Variants in ENPP2 observed in about 807,000 individuals in gnomAD.
The protein encoded by ENPP2 is autotaxin.
Under a neutral mutation model 120.2 loss-of-function variants are expected in ENPP2, and 51 were observed. That is an observed-to-expected ratio of 0.42 (90% CI 0.34 to 0.54). The LOEUF (loss-of-function observed/expected upper bound fraction) is 0.54, where lower values mean the gene tolerates loss of function less well. ENPP2 is among the 20% of genes least tolerant of loss of function. The pLI, the probability that ENPP2 is intolerant of heterozygous loss-of-function variation, is 0.04. For synonymous variants in ENPP2, 365 were observed against 366.4 expected (o/e 1.00, Z 0.04); for missense variants, 920 against 1,066.5 (o/e 0.86, Z 1.91).
intron 9 of ENPP2, among the ~76,000 whole-genome samples, chr8:119,605,355 C>A (rs1814630497): frequency 6.6e-6 from 1 of 152,074 alleles, no homozygotes. Flanking sequence ...CATGAGCCCC[C>A]AGGCCCGGCC....
At chr8:119,625,997 T>A (rs887691740) in intron 3 of ENPP2, among the ~76,000 whole-genome samples, 1 of 152,108 alleles carries the variant, frequency 6.6e-6, no homozygotes, top group Non-Finnish European at 1.5e-5. Flanking sequence ...ACAGTTACTG[T>A]ACGATAAGAT....
chr8:119,667,282 C>T (rs1011656895), intron 1 of ENPP2, among the ~76,000 whole-genome samples: 20 of 152,192 alleles, frequency 1.3e-4, no homozygotes, highest in Non-Finnish European at 1.6e-4. Flanking sequence ...ATTCCTGCCT[C>T]TCCAACTTTT....
chr8:119,610,651 C>T lies in ENPP2; in HGVS notation c.778-2674G>A, dbSNP rs544508070. On this transcript the variant is annotated intron_variant, in intron 8 of 24. Transcript: ENST00000075322. The stretch of plus-strand genomic sequence containing the variant: ...GGTGTGGTGGCTCACGCCTATAATC[C>T]CAGCACTTTGGGAGGCCGAAGAGGG... Among the ~76,000 whole-genome samples the T allele has an allele frequency of 2.0e-5, 3 of 151,976 alleles. No individual in the cohort carries two copies. In the East Asian group the frequency reaches 5.8e-4, roughly 29 times the overall value.
intron 2 of ENPP2, among the ~76,000 whole-genome samples, chr8:119,637,495 G>A (rs953150206): frequency 2.6e-5 from 4 of 152,124 alleles, no homozygotes; most frequent in Non-Finnish European, 5.9e-5. Flanking sequence ...AAAATTTCAA[G>A]CTGGCTAAAC....
intron 17 of ENPP2, among the ~76,000 whole-genome samples, chr8:119,583,291 C>T (rs1230666013): frequency 2.0e-5 from 3 of 152,156 alleles, no homozygotes; most frequent in African/African-American, 7.2e-5. Context: ...CCTCATTCAG[C>T]AACTAGAAGT....
In ENPP2 at chr8:119,582,625, G is replaced by A. The variant is rs139121041; in HGVS notation, c.1544-23C>T. ...GATCTAATGAAAATTAAGAAAAGGAGGCAGGTGCTTCTTATATTTTTTTGA... is the reference window on the plus strand; with the variant it reads ...GATCTAATGAAAATTAAGAAAAGGAAGCAGGTGCTTCTTATATTTTTTTGA... On this transcript the variant is annotated intron_variant, in intron 17 of 24. Transcript: ENST00000075322. 1.5e-5 allele frequency: 23 copies of A among 1,545,996 alleles called. No homozygotes were observed. The East Asian group carries it at 4.7e-4, about 32-fold the overall frequency.
intron 22 of ENPP2, among the ~76,000 whole-genome samples, chr8:119,565,462 C>A (rs1217934716): frequency 3.3e-5 from 5 of 152,166 alleles, no homozygotes; most frequent in Non-Finnish European, 7.3e-5. Flanking sequence ...CACTGGAATA[C>A]CTAATATTCA....
At chr8:119,589,941 A>G (rs1312585152) in intron 13 of ENPP2, among the ~76,000 whole-genome samples, 27 of 152,136 alleles carry the variant, frequency 1.8e-4, no homozygotes, top group Admixed American at 1.8e-3. Context: ...ATTCCTGTTT[A>G]TTTTTATTTC....
chr8:119,569,797 A>G (rs1321390793), intron 20 of ENPP2, among the ~76,000 whole-genome samples: 6 of 151,286 alleles, frequency 4.0e-5, no homozygotes, highest in South Asian at 2.1e-4. Flanking sequence ...GAACATACGT[A>G]TGTGTACACA....
At chr8:119,664,181 C>T (rs1407430613) in intron 1 of ENPP2, among the ~76,000 whole-genome samples, 1 of 152,156 alleles carries the variant, frequency 6.6e-6, no homozygotes, top group Admixed American at 6.5e-5. Context: ...GCTCAGCATG[C>T]TACAAACTAT....
At chr8:119,632,319 C>A (rs1215112777) in intron 2 of ENPP2, among the ~76,000 whole-genome samples, 1 of 152,210 alleles carries the variant, frequency 6.6e-6, no homozygotes, top group African/African-American at 2.4e-5. Context: ...AAAAAGTACT[C>A]TCCAAATGTA....
At chr8:119,624,382 A>G (rs569332654) in intron 3 of ENPP2, among the ~76,000 whole-genome samples, 181 of 152,306 alleles carry the variant, frequency 1.2e-3, no homozygotes, top group African/African-American at 4.3e-3. Flanking sequence ...TTTAAAAATA[A>G]GAGTATTCAA....
chr8:119,586,399 A>G, intron 14 of ENPP2, 86 bp from the exon 15 acceptor site: 2 of 1,292,048 alleles, frequency 1.5e-6, no homozygotes, highest in East Asian at 2.3e-5. Context: ...GCTGAAGGAG[A>G]TTTTAAGCCT....
chr8:119,634,540 G>T (rs552934589), intron 2 of ENPP2, among the ~76,000 whole-genome samples: 3 of 152,022 alleles, frequency 2.0e-5, no homozygotes, highest in Non-Finnish European at 4.4e-5. Flanking sequence ...AGCCTTAAAG[G>T]CATTTTCAAA....
rs1813165233 is a variant in ENPP2, at chr8:119,587,074, A to G, written c.1209T>C (p.Tyr403=). 6.2e-7 allele frequency: 1 copy of G among 1,607,646 alleles called. No homozygotes were observed. The highest frequency in any genetic ancestry group is 8.5e-7 in the Non-Finnish European group (1 of 1,177,300). Residue 403 remains tyrosine, a splice_region_variant and synonymous_variant, in exon 14 of 25, where the codon TAT becomes TAC. Transcript: ENST00000075322. ...GATTGGCAATAATGGCTTTGGGGTC[A>G]TCTGTTCAAAGAGAGGAGAAAGATT... ...IRSKFSNNAK[Y]DPKAIIANLT...
At chr8:119,562,787 G>T in intron 24 of ENPP2, 70 bp downstream of exon 24, 1 of 1,404,750 alleles carries the variant, frequency 7.1e-7, no homozygotes, top group South Asian at 1.2e-5. Context: ...GTTCAATGAT[G>T]GAAATATAAA....
chr8:119,603,921 C>T (rs139784774), intron 9 of ENPP2, among the ~76,000 whole-genome samples: 7 of 151,632 alleles, frequency 4.6e-5, no homozygotes, highest in East Asian at 3.9e-4. Flanking sequence ...AAGATGAGGA[C>T]GCTGGAGGTC....
chr8:119,632,991 G>A (rs1362580421), intron 2 of ENPP2, among the ~76,000 whole-genome samples: 1 of 152,160 alleles, frequency 6.6e-6, no homozygotes, highest in African/African-American at 2.4e-5. Flanking sequence ...TGAGGTGGAG[G>A]TTGCAGTGAG....
intron 11 of ENPP2, among the ~76,000 whole-genome samples, chr8:119,594,094 TG>T (rs1563709582): frequency 6.6e-6 from 1 of 152,204 alleles, no homozygotes; most frequent in Non-Finnish European, 1.5e-5. Flanking sequence ...AAAGATTCTT[TG>T]ATATAAAAAT....
Sources: allele counts gnomAD v4.1 joint callset (sites outside exome capture counted in the v4.1 genomes callset), GRCh38; gene constraint gnomAD v4.1.1; transcripts MANE v1.5; gene names NCBI Gene and HGNC (gene_info 2026-07-23, HGNC 2026-07-21).